The following ICE1 variants were observed in gnomAD, a reference collection of about 807,000 sequenced individuals.
ICE1 encodes the protein little elongation complex subunit 1.
Under a neutral mutation model 192.7 loss-of-function variants are expected in ICE1, and 64 were observed. The ratio of observed to expected loss-of-function variants is 0.33; its 90% CI spans 0.27 to 0.41. The LOEUF (loss-of-function observed/expected upper bound fraction) is 0.41, where lower values mean the gene tolerates loss of function less well. ICE1 is among the 10% of genes least tolerant of loss of function. The probability of loss-of-function intolerance (pLI) is 1.00; values close to 1 mark genes in which losing one functional copy is unlikely to be tolerated. For missense variants in ICE1, 2,708 were observed against 2,696.0 expected, an observed-to-expected ratio of 1.00 and a Z score of -0.10; for synonymous variants, 1,010 against 984.5, an observed-to-expected ratio of 1.03 and a Z score of -0.49.
intron 7 of ICE1, among the ~76,000 whole-genome samples, chr5:5,445,142 G>T (rs1051257381): frequency 6.6e-6 from 1 of 152,186 alleles, no homozygotes; most frequent in Non-Finnish European, 1.5e-5. Flanking sequence ...CATTTAGAGC[G>T]TGAAGTTAGA....
chr5:5,434,624 G>A (rs1456184443), intron 1 of ICE1, among the ~76,000 whole-genome samples: 1 of 152,144 alleles, frequency 6.6e-6, no homozygotes, highest in African/African-American at 2.4e-5. Context: ...ACTCATGCTA[G>A]TGGTAAAAAC....
In ICE1 at chr5:5,443,166, A is replaced by G; in HGVS notation, c.310-2A>G. On this transcript the variant is annotated splice_acceptor_variant, in intron 5 of 18. Coordinates refer to ENST00000296564, the MANE Select transcript of ICE1 (RefSeq NM_015325.3). LOFTEE classifies it high-confidence loss of function. ...ATATCTGTTTTTTTTCTTTTTTTAA[A>G]GAGTTCTTTAAAGTTGTATCAGGAT... 1 of 1,466,624 alleles carries G rather than the reference A, an allele frequency of 6.8e-7. No homozygotes were observed. The highest frequency in any genetic ancestry group is 9.2e-7 in the Non-Finnish European group (1 of 1,091,866). 90.9% of individuals were successfully genotyped at this position (1,466,624 alleles called of 1,614,324 possible). A position where few individuals can be genotyped will look rare whatever the true frequency, so the allele number is the denominator to read the frequency against.
chr5:5,476,830 G>A (rs1361012650), intron 17 of ICE1, among the ~76,000 whole-genome samples: 5 of 152,098 alleles, frequency 3.3e-5, no homozygotes, highest in Admixed American at 2.6e-4. Flanking sequence ...AAACTGTATC[G>A]AGGATATCTT....
rs764708923 is a variant in ICE1 at position 5,464,466 on chromosome 5, C to G, written c.5132C>G (p.Pro1711Arg). 26 of 1,613,728 alleles carry G rather than the reference C, an allele frequency of 1.6e-5. 1 individual carries two copies. In the East Asian group the frequency reaches 5.6e-4, roughly 35 times the overall value. The change falls in exon 13 of 19, where the codon CCG becomes CGG. Residue 1711 changes from proline (P) to arginine (R), a missense_variant. Physicochemically the swap from Pro to Arg is moderately radical, Grantham distance 103 (BLOSUM62 -2). Coordinates refer to ENST00000296564, the MANE Select transcript of ICE1 (RefSeq NM_015325.3). The surrounding 1 kb of genome is among the most constrained non-coding windows in gnomAD (Gnocchi z 4.0). ...GCTTCAGCCAGTGAGAGGGTAGTGC[C>G]GTCTCCTCTGCAGTTCTGTGCGGCC... ...SAASASERVV[P>R]SPLQFCAATP...
At chr5:5,468,751 T>C (rs1739068015) in intron 14 of ICE1, 77 bp from the exon 15 acceptor site, 2 of 892,598 alleles carry the variant, frequency 2.2e-6, no homozygotes, top group African/African-American at 1.7e-5. Flanking sequence ...GTGAAATTAA[T>C]ACAATTTGTT....
rs1239738217 is a variant in ICE1, at chr5:5,454,647, G to C, written c.691+9G>C. On this transcript the variant is annotated intron_variant, in intron 11 of 18. Transcript: ENST00000296564. ...CAGCAGGTGTGTCCCAGGTGAGAGA[G>C]AAGCTTACAGAAACCGATTTCATAT... 1.2e-6 allele frequency: 2 copies of C among 1,609,228 alleles called. No homozygotes were observed. The highest frequency in any genetic ancestry group is 1.7e-4 in the Middle Eastern group (1 of 6,040).
chr5:5,481,958 C>G (rs1218506003), intron 17 of ICE1, among the ~76,000 whole-genome samples: 1 of 152,210 alleles, frequency 6.6e-6, no homozygotes, highest in Admixed American at 6.5e-5. Context: ...ACAGAATCTC[C>G]TCAAAGATGA....
intron 14 of ICE1, among the ~76,000 whole-genome samples, chr5:5,467,102 A>G (rs1192844803): frequency 2.0e-5 from 3 of 152,098 alleles, no homozygotes; most frequent in African/African-American, 7.2e-5. Context: ...TTTGACTACC[A>G]TGTTTATGGG....
At chr5:5,435,883 T>A (rs1305709341) in intron 1 of ICE1, among the ~76,000 whole-genome samples, 2 of 152,114 alleles carry the variant, frequency 1.3e-5, no homozygotes, top group Non-Finnish European at 2.9e-5. Context: ...TTGGTCAGGC[T>A]GGTCTTGAAC....
chr5:5,450,204 A>G (rs138195570), intron 10 of ICE1, among the ~76,000 whole-genome samples: 178 of 152,352 alleles, frequency 1.2e-3, no homozygotes, highest in African/African-American at 4.0e-3. Context: ...CTTTAGAGAA[A>G]GTCTAAGAAC....
chr5:5,482,770 C>T (rs1233602936), intron 17 of ICE1, among the ~76,000 whole-genome samples: 1 of 123,366 alleles, frequency 8.1e-6, no homozygotes, highest in Non-Finnish European at 1.6e-5. Context: ...ACACCCCCAC[C>T]CCCCAACACA....
intron 16 of ICE1, among the ~76,000 whole-genome samples, chr5:5,474,442 A>G (rs1739255546): frequency 1.3e-5 from 2 of 152,166 alleles, no homozygotes; most frequent in African/African-American, 4.8e-5. Flanking sequence ...TGTTGAATGA[A>G]ATTAATTATC....
intron 1 of ICE1, among the ~76,000 whole-genome samples, chr5:5,431,397 T>A (rs1737706412): frequency 6.6e-6 from 1 of 152,190 alleles, no homozygotes. Context: ...CCTACTGTCA[T>A]CTGGTACGCA....
chr5:5,473,615 T>C lies in ICE1; in HGVS notation c.6280T>C (p.Cys2094Arg), dbSNP rs779183378. The change falls in exon 16 of 19, where the codon TGT becomes CGT. Residue 2094 changes from cysteine (C) to arginine (R), a missense_variant. This residue lies in a region of ICE1 where 342 missense variants were observed against 419.3 expected (regional missense o/e 0.82). Coordinates refer to ENST00000296564, the MANE Select transcript of ICE1 (RefSeq NM_015325.3). ...TAAGCTGCTTTTGACCATACAGTTA[T>C]GTCCAAAAACAGAATTTCAACCTAG... ...VSKLLLTIQL[C>R]PKTEFQPSEK... 4.3e-6 allele frequency: 7 copies of C among 1,613,738 alleles called. No homozygotes were observed. Among genetic ancestry groups the C allele is most frequent in the Non-Finnish European group, 5.9e-6 (7 of 1,179,826 alleles).
At position 5,462,207 on chromosome 5, in the gene ICE1, C is replaced by T. The variant is rs1357463109; in HGVS notation, c.2873C>T (p.Ser958Phe). Reference protein sequence around the residue: ...NSDCSTNSRLSFSPENILIQN... With the variant: ...NSDCSTNSRLFFSPENILIQN... ...GATTGTTCCACAAATAGCAGATTAT[C>T]TTTCTCTCCTGAAAATATCCTCATC... The change falls in exon 13 of 19, where the codon TCT (serine) becomes TTT (phenylalanine). Residue 958 changes from serine (S) to phenylalanine (F), a missense_variant. Transcript: ENST00000296564. The T allele has an allele frequency of 1.2e-6, 2 of 1,610,408 alleles. No homozygotes were observed. The highest frequency in any genetic ancestry group is 1.7e-5 in the Admixed American group (1 of 59,310).
chr5:5,445,013 G>C (rs1249212457), intron 7 of ICE1, among the ~76,000 whole-genome samples: 2 of 152,192 alleles, frequency 1.3e-5, no homozygotes, highest in South Asian at 2.1e-4. Context: ...GGCTCTGCCA[G>C]ATCCATCCTG....
intron 1 of ICE1, among the ~76,000 whole-genome samples, chr5:5,423,459 C>G (rs1737398077): frequency 6.6e-6 from 1 of 151,912 alleles, no homozygotes; most frequent in Admixed American, 6.5e-5. Flanking sequence ...GTCTTAGACT[C>G]GAAGAGTCTA....
At position 5,468,857 on chromosome 5, in the gene ICE1, T is replaced by C. The variant is rs1250789347; in HGVS notation, c.6091T>C (p.Phe2031Leu). 2 of 1,589,546 alleles carry C rather than the reference T, an allele frequency of 1.3e-6. No individual in the cohort carries two copies. The change falls in exon 15 of 19, where the codon TTT becomes CTT. Residue 2031 changes from phenylalanine to leucine, a missense_variant. Phe to Leu is a conservative substitution (Grantham distance 22). Transcript: ENST00000296564. ...DFPESEKLTL[F>L]IANMWHDIFL... The stretch of plus-strand genomic sequence containing the variant: ...TCCGGAGTCTGAAAAATTAACTTTG[T>C]TTATTGCAAACATGTGGCATGATAT...
intron 15 of ICE1, 133 bp from the exon 16 acceptor site, chr5:5,473,425 C>T: frequency 1.3e-6 from 1 of 759,640 alleles, no homozygotes. Context: ...GTTCCTTAGT[C>T]AAACTGTTTT....
Sources: allele counts gnomAD v4.1 joint callset (sites outside exome capture counted in the v4.1 genomes callset), GRCh38; gene constraint gnomAD v4.1.1; regional missense constraint gnomAD v4.1.1; non-coding constraint Gnocchi (gnomAD v3.1); transcripts MANE v1.5; gene names NCBI Gene and HGNC (gene_info 2026-07-23, HGNC 2026-07-21).